The following CCDC14 variants were observed in gnomAD, a reference collection of about 807,000 sequenced individuals.
The protein encoded by CCDC14 is coiled-coil domain-containing protein 14.
In CCDC14, 71 loss-of-function variants were observed where a neutral mutation model predicts 81.4. The observed-to-expected ratio is 0.87, with a 90% CI of 0.72 to 1.06. The LOEUF (loss-of-function observed/expected upper bound fraction) is 1.06. Among genes scored for constraint, CCDC14 ranks in the 50% least tolerant of loss-of-function variants. CCDC14 has a pLI of 0.00. For synonymous variants in CCDC14, 332 were observed against 364.8 expected (o/e 0.91, Z 1.03); for missense variants, 1,046 against 1,047.3 (o/e 1.00, Z 0.02).
chr3:123,942,441 A>G (rs2036397583), intron 9 of CCDC14, among the ~76,000 whole-genome samples: 1 of 152,098 alleles, frequency 6.6e-6, no homozygotes, highest in Admixed American at 6.6e-5. Flanking sequence ...ATGATATTAG[A>G]TCTTAAACCC....
At chr3:123,901,503 T>A (rs956542784) in intron 5 of CCDC14, among the ~76,000 whole-genome samples, 4 of 152,048 alleles carry the variant, frequency 2.6e-5, no homozygotes, top group Non-Finnish European at 5.9e-5. Flanking sequence ...AGTGTTGAAC[T>A]GCCATCTTAC....
At position 123,914,580 on chromosome 3, in the gene CCDC14, G is replaced by A; in HGVS notation, c.*199C>T. 8.0e-7 allele frequency: 1 copy of A among 1,255,578 alleles called. No individual in the cohort carries two copies. The highest frequency in any genetic ancestry group is 1.0e-6 in the Non-Finnish European group (1 of 1,000,530). 77.8% of individuals were successfully genotyped at this position (1,255,578 alleles called of 1,614,324 possible). ...CCTAGTTATCCACAACTTTCTTCTT[G>A]TAGCAATTGTGAACTTAAGATGACT... On this transcript the variant is annotated 3_prime_UTR_variant, in exon 13 of 13. Transcript: ENST00000409697.
In CCDC14 at chr3:123,948,194, C is replaced by T. The variant is rs2036768670; in HGVS notation, c.684+497G>A. Among the ~76,000 whole-genome samples, 2 of 151,012 alleles carry T rather than the reference C, an allele frequency of 1.3e-5. 1 individual carries two copies. Among genetic ancestry groups the T allele is most frequent in the South Asian group, 4.2e-4 (2 of 4,792 alleles). ...CTACTGATCTCTTCCCCTCTTTCTC[C>T]TTCATTATTGTCATTAATAAATAGG... On this transcript the variant is annotated intron_variant, in intron 7 of 12. Coordinates refer to ENST00000409697, the MANE Select transcript of CCDC14 (RefSeq NM_001366335.1).
rs762149010 is a variant in CCDC14 at position 123,915,339 on chromosome 3, T to C, written c.2158A>G (p.Ile720Val). The change falls in exon 13 of 13, where the codon ATA becomes GTA. Residue 720 changes from isoleucine to valine, a missense_variant. Coordinates refer to ENST00000409697, the MANE Select transcript of CCDC14 (RefSeq NM_001366335.1). ...SDEGSETMAL[I>V]EDEHNLDNTI... Reference sequence around the variant, plus strand: ...TTATCCAAATTATGCTCATCTTCTATTAAAGCCATAGTTTCACTCCCTTCA... The same window carrying C: ...TTATCCAAATTATGCTCATCTTCTACTAAAGCCATAGTTTCACTCCCTTCA... 87 of 1,613,860 alleles carry C rather than the reference T, an allele frequency of 5.4e-5. No homozygotes were observed. Among genetic ancestry groups the C allele is most frequent in the Non-Finnish European group, 7.2e-5 (85 of 1,179,900 alleles).
At chr3:123,908,395 C>G (rs1288187247) in intron 5 of CCDC14, among the ~76,000 whole-genome samples, 1 of 152,132 alleles carries the variant, frequency 6.6e-6, no homozygotes, top group Non-Finnish European at 1.5e-5. Context: ...ACACGGCAGA[C>G]AGCAATAAAT....
At chr3:123,948,845 C>G in intron 6 of CCDC14, 51 bp downstream of exon 6, 3 of 1,583,062 alleles carry the variant, frequency 1.9e-6, no homozygotes, top group Middle Eastern at 1.7e-4. Context: ...AGTAACCAAG[C>G]AATTTAATTA....
intron 5 of CCDC14, among the ~76,000 whole-genome samples, chr3:123,950,195 C>A (rs2036924359): frequency 6.6e-6 from 1 of 152,032 alleles, no homozygotes; most frequent in African/African-American, 2.4e-5. Context: ...TATCAGTATA[C>A]AAAATAAATT....
At position 123,913,733 on chromosome 3, in the gene CCDC14, A is replaced by G; in HGVS notation, c.*1046T>C. On this transcript the variant is annotated 3_prime_UTR_variant, in exon 13 of 13. Transcript: ENST00000409697. ...ACGAGGAGGTTCTGGGATTAGGAGA[A>G]CACTCTTTAATGATAAAGCCTGTCC... The G allele has an allele frequency of 1.0e-6, 1 of 985,038 alleles. No individual in the cohort carries two copies. Among genetic ancestry groups the G allele is most frequent in the Non-Finnish European group, 1.2e-6 (1 of 829,872 alleles). 61.0% of individuals were successfully genotyped at this position (985,038 alleles called of 1,614,324 possible).
At chr3:123,948,220 T>TA (rs1166031538) in intron 7 of CCDC14, among the ~76,000 whole-genome samples, 20 of 150,064 alleles carry the variant, frequency 1.3e-4, no homozygotes, top group African/African-American at 4.5e-4. Context: ...AATAAATAGG[T>TA]AAAACTTTTC....
intron 5 of CCDC14, among the ~76,000 whole-genome samples, chr3:123,901,205 C>T (rs993450618): frequency 6.6e-6 from 1 of 151,206 alleles, no homozygotes; most frequent in Non-Finnish European, 1.5e-5. Flanking sequence ...GCACTCCAAC[C>T]TGGGCAACAA....
chr3:123,895,116 T>G (rs1333713077), downstream of CCDC14, among the ~76,000 whole-genome samples: 1 of 152,192 alleles, frequency 6.6e-6, no homozygotes, highest in Non-Finnish European at 1.5e-5. Context: ...TGCCCCAAAG[T>G]GACATTAGTT....
At chr3:123,892,001 G>A in the CCDC14 span, among the ~76,000 whole-genome samples, 1 of 146,298 alleles carries the variant, frequency 6.8e-6, no homozygotes, top group African/African-American at 2.7e-5. Context: ...ATGGCCGCAG[G>A]CAAAGAGAGA....
At position 123,924,735 on chromosome 3, in the gene CCDC14, C is replaced by T. The variant is rs149725236; in HGVS notation, c.1778+6367G>A. On this transcript the variant is annotated intron_variant, in intron 12 of 12. Coordinates refer to ENST00000409697, the MANE Select transcript of CCDC14 (RefSeq NM_001366335.1). ...CTCACACCTGTCAGAATGGCTATTA[C>T]AAAAAAGATGAAAGCTAACAAGTGT... 3.0e-3 allele frequency among the ~76,000 whole-genome samples: 455 copies of T among 151,786 alleles called. 1 individual carries two copies. Among genetic ancestry groups the T allele is most frequent in the Non-Finnish European group, 3.0e-3 (201 of 67,884 alleles).
downstream of CCDC14, among the ~76,000 whole-genome samples, chr3:123,912,743 A>C (rs188303608): frequency 2.8e-3 from 425 of 152,192 alleles, 2 homozygotes; most frequent in Non-Finnish European, 4.0e-3. Flanking sequence ...AAAACAAAAA[A>C]CACCACCACC....
intron 12 of CCDC14, among the ~76,000 whole-genome samples, 198 bp from the exon 13 acceptor site, chr3:123,915,916 C>T (rs1234946741): frequency 6.6e-6 from 1 of 151,396 alleles, no homozygotes; most frequent in Non-Finnish European, 1.5e-5. Context: ...TGATAAAATA[C>T]ATTGGTCTGT....
intron 12 of CCDC14, among the ~76,000 whole-genome samples, chr3:123,924,507 A>G (rs1460584519): frequency 6.6e-6 from 1 of 152,160 alleles, no homozygotes; most frequent in Non-Finnish European, 1.5e-5. Flanking sequence ...GAGACAAGCC[A>G]TGGTGTGGGA....
downstream of CCDC14, among the ~76,000 whole-genome samples, chr3:123,896,051 A>T (rs898796693): frequency 1.3e-5 from 2 of 152,220 alleles, no homozygotes; most frequent in Non-Finnish European, 2.9e-5. Context: ...AATAAATAAA[A>T]TGTGGTGCTA....
At chr3:123,891,980 A>G in the CCDC14 span, among the ~76,000 whole-genome samples, 2 of 151,884 alleles carry the variant, frequency 1.3e-5, no homozygotes, top group Admixed American at 1.3e-4. Flanking sequence ...AGCAAGTCAC[A>G]TCTTACATGG....
At chr3:123,925,080 A>C (rs532440392) in intron 12 of CCDC14, among the ~76,000 whole-genome samples, 87 of 151,872 alleles carry the variant, frequency 5.7e-4, no homozygotes, top group Admixed American at 7.9e-4. Context: ...ATGAATGATT[A>C]TTTCTTTAAG....
Sources: allele counts gnomAD v4.1 joint callset (sites outside exome capture counted in the v4.1 genomes callset), GRCh38; gene constraint gnomAD v4.1.1; transcripts MANE v1.5; gene names NCBI Gene and HGNC (gene_info 2026-07-23, HGNC 2026-07-21).